The following STMN2 variants were observed in gnomAD, a reference collection of about 807,000 sequenced individuals.
STMN2 encodes stathmin 2, also known as stathmin-2.
Under a neutral mutation model 24.1 loss-of-function variants are expected in STMN2, and 2 were observed. The observed-to-expected ratio is 0.08, with a 90% CI of 0.03 to 0.26. The LOEUF (loss-of-function observed/expected upper bound fraction) is 0.26. STMN2 is among the 10% of genes least tolerant of loss of function. The pLI is 1.00. For missense variants in STMN2, 114 were observed against 213.6 expected, an observed-to-expected ratio of 0.53 and a Z score of 2.91; for synonymous variants, 83 against 77.5, an observed-to-expected ratio of 1.07 and a Z score of -0.37.
At chr8:79,611,747 T>C (rs916125148) in intron 1 of STMN2, 1 of 982,744 alleles carries the variant, frequency 1.0e-6, no homozygotes, top group Non-Finnish European at 1.2e-6. Flanking sequence ...TTTACGGTAT[T>C]GTCTCGTCGA....
At chr8:79,639,160 G>A (rs1451503006) in intron 2 of STMN2, among the ~76,000 whole-genome samples, 1 of 152,118 alleles carries the variant, frequency 6.6e-6, no homozygotes, top group East Asian at 1.9e-4. Context: ...GAACATTAAC[G>A]GGAACATAAC....
chr8:79,630,144 C>A (rs760216316), intron 1 of STMN2, among the ~76,000 whole-genome samples: 6 of 152,164 alleles, frequency 3.9e-5, no homozygotes, highest in Non-Finnish European at 8.8e-5. Flanking sequence ...TCAACCCCAT[C>A]CCACGGTGAT....
chr8:79,649,174 G>A (rs1159396743), intron 3 of STMN2, among the ~76,000 whole-genome samples: 1 of 152,118 alleles, frequency 6.6e-6, no homozygotes, highest in Non-Finnish European at 1.5e-5. Flanking sequence ...GAAAGAGGGG[G>A]TGGTTTGTAT....
intron 1 of STMN2, among the ~76,000 whole-genome samples, chr8:79,616,218 C>A (rs1446525440): frequency 6.6e-6 from 1 of 152,156 alleles, no homozygotes; most frequent in Admixed American, 6.5e-5. Flanking sequence ...CTTTTTAAAT[C>A]TAATCCAATG....
At chr8:79,625,850 T>A (rs1014462148) in intron 1 of STMN2, among the ~76,000 whole-genome samples, 10 of 151,936 alleles carry the variant, frequency 6.6e-5, no homozygotes, top group Non-Finnish European at 7.4e-5. Flanking sequence ...CCCAGCTACT[T>A]GGGAGGCTGA....
chr8:79,619,667 T>C (rs1453052223), intron 1 of STMN2, among the ~76,000 whole-genome samples: 1 of 152,188 alleles, frequency 6.6e-6, no homozygotes, highest in Non-Finnish European at 1.5e-5. Flanking sequence ...CAGAACATAA[T>C]TATTTTTATT....
At chr8:79,641,623 T>TTCACTCAC in intron 3 of STMN2, 73 bp downstream of exon 3, 4 of 521,010 alleles carry the variant, frequency 7.7e-6, no homozygotes, top group Non-Finnish European at 9.0e-6. Context: ...CGGGCACACA[T>TTCACTCAC]GCACGCACAC....
At position 79,663,736 on chromosome 8, in the gene STMN2, T is replaced by G. The variant is rs1007275108; in HGVS notation, c.481-1079T>G. The G allele has an allele frequency of 4.9e-6, 6 of 1,213,688 alleles. No individual in the cohort carries two copies. The African/African-American group carries it at 9.2e-5, about 19-fold the overall frequency. 75.2% of individuals were successfully genotyped at this position (1,213,688 alleles called of 1,614,324 possible). The stretch of plus-strand genomic sequence containing the variant: ...CTTAAAATTTCAATTCAATGAACAT[T>G]TATTTAGCGCCTATGATATATGCAA... On this transcript the variant is annotated intron_variant, in intron 4 of 4. Transcript: ENST00000220876.
intron 3 of STMN2, among the ~76,000 whole-genome samples, chr8:79,642,769 A>T (rs11987713): frequency 0.12 from 18,878 of 151,692 alleles, 1,440 homozygotes; most frequent in African/African-American, 0.21. Context: ...TAAACAAGAA[A>T]ACACTAATCT....
intron 1 of STMN2, among the ~76,000 whole-genome samples, chr8:79,620,769 G>C (rs1214403508): frequency 1.3e-5 from 2 of 152,080 alleles, no homozygotes; most frequent in African/African-American, 4.8e-5. Flanking sequence ...AATCTGGCCA[G>C]AGAATTCTTT....
chr8:79,634,264 C>G (rs1809884869), intron 1 of STMN2, among the ~76,000 whole-genome samples: 1 of 152,158 alleles, frequency 6.6e-6, no homozygotes, highest in South Asian at 2.1e-4. Flanking sequence ...TCACTTAACT[C>G]CATATAAATC....
chr8:79,643,204 CA>C (rs1343206953), intron 3 of STMN2, among the ~76,000 whole-genome samples: 1 of 142,280 alleles, frequency 7.0e-6, no homozygotes, highest in Non-Finnish European at 1.5e-5. Flanking sequence ...ATTTAAAAAA[CA>C]GGAACCTGAG....
At chr8:79,617,869 G>T (rs538511487) in intron 1 of STMN2, among the ~76,000 whole-genome samples, 2 of 152,290 alleles carry the variant, frequency 1.3e-5, no homozygotes, top group South Asian at 4.1e-4. Flanking sequence ...AACATGCAAG[G>T]CATTGTTCTA....
rs146015327 is a variant in STMN2 at position 79,632,030 on chromosome 8, A to G, written c.20-4772A>G. On this transcript the variant is annotated intron_variant, in intron 1 of 4. Transcript: ENST00000220876. ...TTAACAATTGCGGGTGCAAGACTCA[A>G]GTTTTTTAGAATCCATTAGCAGAGA... Among the ~76,000 whole-genome samples the G allele has an allele frequency of 1.1e-3, 171 of 152,304 alleles. 1 individual carries two copies. The highest frequency in any genetic ancestry group is 8.5e-3 in the East Asian group (44 of 5,174).
intron 4 of STMN2, among the ~76,000 whole-genome samples, chr8:79,660,550 A>T (rs1445076786): frequency 2.6e-5 from 4 of 152,226 alleles, no homozygotes; most frequent in African/African-American, 4.8e-5. Flanking sequence ...TTTTAGTGGC[A>T]ATAGTAGCAC....
At chr8:79,650,988 A>C (rs973365019) in intron 3 of STMN2, among the ~76,000 whole-genome samples, 6 of 152,240 alleles carry the variant, frequency 3.9e-5, no homozygotes, top group African/African-American at 1.4e-4. Flanking sequence ...CTAATATAGG[A>C]AGTCATAAGT....
chr8:79,638,466 T>G (rs926563383), intron 2 of STMN2, among the ~76,000 whole-genome samples: 1 of 152,244 alleles, frequency 6.6e-6, no homozygotes, highest in Admixed American at 6.5e-5. Flanking sequence ...ACATTTCTCG[T>G]AAACTGTGCT....
At chr8:79,657,000 A>C (rs901143328) in intron 4 of STMN2, among the ~76,000 whole-genome samples, 1 of 151,986 alleles carries the variant, frequency 6.6e-6, no homozygotes, top group Non-Finnish European at 1.5e-5. Context: ...CAGCCTCCCA[A>C]GTAGCTGAGA....
At chr8:79,649,891 A>T (rs1312645588) in intron 3 of STMN2, among the ~76,000 whole-genome samples, 2 of 152,194 alleles carry the variant, frequency 1.3e-5, no homozygotes, top group Non-Finnish European at 2.9e-5. Flanking sequence ...AAAATGTTAA[A>T]GTGTTCCTAA....
Sources: gnomAD v4.1 joint callset for allele counts (sites outside exome capture counted in the v4.1 genomes callset) on GRCh38, gnomAD v4.1.1 for gene constraint, MANE v1.5 for transcripts, NCBI Gene and HGNC (gene_info 2026-07-23, HGNC 2026-07-21) for gene names.